Variants in C1QTNF7 observed in about 807,000 individuals in gnomAD.
C1QTNF7 encodes the protein complement C1q tumor necrosis factor-related protein 7.
C1QTNF7 carries 15 observed loss-of-function variants against 19.6 expected under a neutral mutation model. The observed-to-expected ratio is 0.76, with a 90% CI of 0.51 to 1.18. The LOEUF (loss-of-function observed/expected upper bound fraction) is 1.18, where lower values mean the gene tolerates loss of function less well. Among genes scored for constraint, C1QTNF7 ranks in the 50% most tolerant of loss-of-function variants. C1QTNF7 has a pLI of 0.00. For missense variants in C1QTNF7, 324 were observed against 359.7 expected (o/e 0.90, Z 0.80); for synonymous variants, 142 against 137.5 (o/e 1.03, Z -0.23).
intron 1 of C1QTNF7, among the ~76,000 whole-genome samples, chr4:15,378,952 C>A (rs926937653): frequency 2.6e-5 from 4 of 152,144 alleles, no homozygotes; most frequent in African/African-American, 9.7e-5. Context: ...TAATTGTGGC[C>A]AAATCCTTGG....
At chr4:15,394,612 G>C (rs1344866026) in intron 1 of C1QTNF7, among the ~76,000 whole-genome samples, 1 of 152,190 alleles carries the variant, frequency 6.6e-6, no homozygotes, top group Non-Finnish European at 1.5e-5. Flanking sequence ...TCTGTGTGTG[G>C]GGACTCCCAC....
intron 1 of C1QTNF7, among the ~76,000 whole-genome samples, chr4:15,388,984 A>G (rs1485850760): frequency 6.6e-6 from 1 of 152,178 alleles, no homozygotes; most frequent in Non-Finnish European, 1.5e-5. Flanking sequence ...GAAATGAGGA[A>G]TGAAGGGTTG....
chr4:15,417,727 T>A (rs1249540874), intron 1 of C1QTNF7, among the ~76,000 whole-genome samples: 1 of 151,950 alleles, frequency 6.6e-6, no homozygotes, highest in Non-Finnish European at 1.5e-5. Context: ...AGGCCCCATC[T>A]CAAAAAAAGA....
At chr4:15,396,967 G>T (rs1718807290) in intron 1 of C1QTNF7, among the ~76,000 whole-genome samples, 2 of 152,186 alleles carry the variant, frequency 1.3e-5, no homozygotes, top group African/African-American at 4.8e-5. Context: ...GTTTAATACA[G>T]TTCTACGTGC....
At chr4:15,432,884 T>A (rs1166242282) in intron 1 of C1QTNF7, among the ~76,000 whole-genome samples, 1 of 152,194 alleles carries the variant, frequency 6.6e-6, no homozygotes, top group Non-Finnish European at 1.5e-5. Flanking sequence ...ATTCCTTGAG[T>A]TCCTTTTTGC....
At chr4:15,419,573 G>T (rs1438137722) in intron 1 of C1QTNF7, among the ~76,000 whole-genome samples, 1 of 152,104 alleles carries the variant, frequency 6.6e-6, no homozygotes, top group Non-Finnish European at 1.5e-5. Flanking sequence ...AACTAAAGTG[G>T]TAACAGTGGT....
chr4:15,349,865 G>T (rs189544948), intron 1 of C1QTNF7, among the ~76,000 whole-genome samples: 5 of 152,200 alleles, frequency 3.3e-5, no homozygotes, highest in Non-Finnish European at 7.4e-5. Context: ...TAAAGAATAC[G>T]AGTCTCATAA....
In C1QTNF7 at chr4:15,442,318, A is replaced by G. The variant is rs199665810; in HGVS notation, c.389A>G (p.Gln130Arg). 2.1e-5 allele frequency: 34 copies of G among 1,614,114 alleles called. No individual in the cohort carries two copies. In the African/African-American group the frequency reaches 4.0e-4, roughly 19 times the overall value. ...PPGPKGDRGE[Q>R]GDPGLPGVCR... ...GGACCAAAGGGAGACAGAGGAGAAC[A>G]AGGGGACCCGGGGCTGCCTGGAGTT... is the stretch of plus-strand genomic sequence containing the variant. The change falls in exon 3 of 3, where the codon CAA becomes CGA. Residue 130 changes from glutamine to arginine, a missense_variant. Coordinates refer to ENST00000444304, the MANE Select transcript of C1QTNF7 (RefSeq NM_031911.5).
chr4:15,340,677 C>T (rs1560333978), intron 1 of C1QTNF7, among the ~76,000 whole-genome samples: 1 of 152,104 alleles, frequency 6.6e-6, no homozygotes, highest in Non-Finnish European at 1.5e-5. Flanking sequence ...GTTACTATGG[C>T]TTCTTATTAA....
chr4:15,373,477 T>C (rs1354840140), intron 1 of C1QTNF7, among the ~76,000 whole-genome samples: 3 of 152,186 alleles, frequency 2.0e-5, no homozygotes, highest in African/African-American at 7.2e-5. Flanking sequence ...GCCTAAAACA[T>C]TGCAAAGCAC....
At chr4:15,406,631 A>C (rs1719203622) in intron 1 of C1QTNF7, among the ~76,000 whole-genome samples, 1 of 152,226 alleles carries the variant, frequency 6.6e-6, no homozygotes, top group South Asian at 2.1e-4. Context: ...TGTTACTGGC[A>C]AAAACAAAAA....
At chr4:15,404,048 G>A (rs1355000146) in intron 1 of C1QTNF7, among the ~76,000 whole-genome samples, 1 of 151,994 alleles carries the variant, frequency 6.6e-6, no homozygotes, top group African/African-American at 2.4e-5. Context: ...TCTTTACAAT[G>A]AATCTATTTT....
intron 1 of C1QTNF7, among the ~76,000 whole-genome samples, chr4:15,375,542 A>G (rs758005007): frequency 6.6e-6 from 1 of 152,210 alleles, no homozygotes; most frequent in Non-Finnish European, 1.5e-5. Flanking sequence ...AATTGTGGGT[A>G]ATGACTGGGA....
At chr4:15,388,689 G>A (rs997230475) in intron 1 of C1QTNF7, among the ~76,000 whole-genome samples, 9 of 152,140 alleles carry the variant, frequency 5.9e-5, no homozygotes, top group Admixed American at 2.0e-4. Flanking sequence ...AAGACCGTTG[G>A]AAGAAAAAAG....
chr4:15,376,075 C>T (rs1325658353), intron 1 of C1QTNF7, among the ~76,000 whole-genome samples: 1 of 152,226 alleles, frequency 6.6e-6, no homozygotes, highest in Non-Finnish European at 1.5e-5. Flanking sequence ...TAACCTTTCA[C>T]CTTTACCTAA....
intron 2 of C1QTNF7, among the ~76,000 whole-genome samples, chr4:15,439,826 G>A (rs1712677453): frequency 6.6e-6 from 1 of 151,674 alleles, no homozygotes; most frequent in Non-Finnish European, 1.5e-5. Context: ...ATCTTTCGAT[G>A]GTATTAAATC....
intron 1 of C1QTNF7, among the ~76,000 whole-genome samples, chr4:15,387,034 C>A (rs375941134): frequency 5.3e-5 from 8 of 151,898 alleles, no homozygotes; most frequent in African/African-American, 1.9e-4. Context: ...CAGAAGACAG[C>A]GTTGAAAGGA....
At chr4:15,432,327 C>T (rs1712351270) in intron 1 of C1QTNF7, among the ~76,000 whole-genome samples, 1 of 152,192 alleles carries the variant, frequency 6.6e-6, no homozygotes. Flanking sequence ...TCAACTGAAT[C>T]CCAGTACTTG....
chr4:15,364,760 A>G (rs1717452304), intron 1 of C1QTNF7, among the ~76,000 whole-genome samples: 1 of 152,202 alleles, frequency 6.6e-6, no homozygotes, highest in African/African-American at 2.4e-5. Flanking sequence ...GGCAAGCATC[A>G]TCCCATTGCA....
Sources: gnomAD v4.1 joint callset for allele counts (sites outside exome capture counted in the v4.1 genomes callset) on GRCh38, gnomAD v4.1.1 for gene constraint, MANE v1.5 for transcripts, NCBI Gene and HGNC (gene_info 2026-07-23, HGNC 2026-07-21) for gene names.